Variants in MAPKAP1 observed in about 807,000 individuals in gnomAD.
The protein encoded by MAPKAP1 is MAPK associated protein 1, also known as target of rapamycin complex 2 subunit MAPKAP1.
Under a neutral mutation model 65.7 loss-of-function variants are expected in MAPKAP1, and 20 were observed. That is an observed-to-expected ratio of 0.30 (90% confidence interval 0.21 to 0.44). The LOEUF is 0.44. MAPKAP1 is among the 20% of genes least tolerant of loss of function. The probability of loss-of-function intolerance (pLI) is 1.00; values close to 1 mark genes in which losing one functional copy is unlikely to be tolerated. For synonymous variants in MAPKAP1, 222 were observed against 244.3 expected, an observed-to-expected ratio of 0.91 and a Z score of 0.85; for missense variants, 423 against 648.0, an observed-to-expected ratio of 0.65 and a Z score of 3.77.
intron 5 of MAPKAP1, among the ~76,000 whole-genome samples, chr9:125,575,370 G>C (rs1377233181): frequency 6.6e-6 from 1 of 152,082 alleles, no homozygotes; most frequent in Non-Finnish European, 1.5e-5. Flanking sequence ...TGAATAAAAT[G>C]TGATGCTTGA....
At chr9:125,601,782 C>G (rs1225071378) in intron 4 of MAPKAP1, among the ~76,000 whole-genome samples, 1 of 152,162 alleles carries the variant, frequency 6.6e-6, no homozygotes, top group Non-Finnish European at 1.5e-5. Context: ...AAAATGCACA[C>G]GTGAAATAAC....
At chr9:125,704,001 T>G (rs942838903) in intron 1 of MAPKAP1, among the ~76,000 whole-genome samples, 1 of 152,158 alleles carries the variant, frequency 6.6e-6, no homozygotes, top group East Asian at 1.9e-4. Flanking sequence ...ACATTTAAAG[T>G]AACAGATAAG....
chr9:125,563,993 G>C (rs905776257), intron 5 of MAPKAP1, among the ~76,000 whole-genome samples: 1 of 152,264 alleles, frequency 6.6e-6, no homozygotes, highest in East Asian at 1.9e-4. Flanking sequence ...TTATAGGCGT[G>C]AGCCACCATG....
chr9:125,560,821 G>C (rs1830870960), intron 5 of MAPKAP1, among the ~76,000 whole-genome samples: 1 of 152,138 alleles, frequency 6.6e-6, no homozygotes, highest in South Asian at 2.1e-4. Flanking sequence ...CCACTCCCTA[G>C]AATGTCCAGA....
intron 1 of MAPKAP1, among the ~76,000 whole-genome samples, chr9:125,690,136 G>C (rs977214727): frequency 2.0e-5 from 3 of 152,020 alleles, no homozygotes; most frequent in Admixed American, 2.0e-4. Context: ...ATCTAAATGA[G>C]ACTGGCTACT....
intron 8 of MAPKAP1, among the ~76,000 whole-genome samples, chr9:125,504,708 G>A (rs1829087620): frequency 6.6e-6 from 1 of 152,064 alleles, no homozygotes; most frequent in Non-Finnish European, 1.5e-5. Flanking sequence ...CATGAGAATT[G>A]CTTGAACCCA....
Position 125,577,441 on chromosome 9 carries a change from GA to G in MAPKAP1, c.671+8113del, listed in dbSNP as rs1169236371. On this transcript the variant is annotated intron_variant, in intron 5 of 11. Transcript: ENST00000265960. ...TCCCCGTCCGGGAGGGAGGTGGGGGGATCAGCCCCCCGCCCAGCCAGCCGCC... is the reference window on the plus strand; with the variant it reads ...TCCCCGTCCGGGAGGGAGGTGGGGGGTCAGCCCCCCGCCCAGCCAGCCGCC... 1.5e-4 allele frequency among the ~76,000 whole-genome samples: 21 copies of G among 144,642 alleles called. 1 individual carries two copies. Among genetic ancestry groups the G allele is most frequent in the Admixed American group, 1.3e-3 (20 of 14,872 alleles). The allele number at this position is 144,642 out of a possible 152,430, so 94.9% of individuals were successfully genotyped here. A position where few individuals can be genotyped will look rare whatever the true frequency, so the allele number is the denominator to read the frequency against.
At chr9:125,683,550 G>A (rs548323795) in intron 1 of MAPKAP1, among the ~76,000 whole-genome samples, 1 of 152,242 alleles carries the variant, frequency 6.6e-6, no homozygotes, top group East Asian at 1.9e-4. Context: ...GCAAGAGAAG[G>A]AGGATCTTAG....
In MAPKAP1 at chr9:125,707,100, T is replaced by C. The variant is rs1208589869; in HGVS notation, c.-199A>G. On this transcript the variant is annotated 5_prime_UTR_variant, in exon 1 of 12. Coordinates refer to ENST00000265960, the MANE Select transcript of MAPKAP1 (RefSeq NM_001006617.3). The stretch of plus-strand genomic sequence containing the variant: ...TCTCGGGATCCACGGGGACCGGCGC[T>C]CCTCCCGGCCCGCTCAGCTGCCGCT... The C allele has an allele frequency of 2.8e-5, 11 of 398,052 alleles. No homozygotes were observed. Among genetic ancestry groups the C allele is most frequent in the Non-Finnish European group, 4.9e-5 (11 of 225,768 alleles). 24.7% of individuals were successfully genotyped at this position (398,052 alleles called of 1,614,324 possible).
intron 7 of MAPKAP1, among the ~76,000 whole-genome samples, chr9:125,514,926 G>A (rs1430730367): frequency 1.3e-5 from 2 of 152,064 alleles, no homozygotes; most frequent in South Asian, 2.1e-4. Flanking sequence ...CATCAGCTAT[G>A]CTAAAATGTC....
intron 7 of MAPKAP1, chr9:125,521,406 C>A: frequency 2.1e-6 from 2 of 959,018 alleles, no homozygotes; most frequent in Non-Finnish European, 2.5e-6. Context: ...TAACTTGAGT[C>A]ACTGTGACAA....
intron 1 of MAPKAP1, among the ~76,000 whole-genome samples, chr9:125,686,621 G>GCTTCACATTGTTTTCC (rs1213354020): frequency 2.0e-5 from 3 of 152,114 alleles, no homozygotes; most frequent in Non-Finnish European, 4.4e-5. Context: ...GGGTGTTTTC[G>GCTTCACATTGTTTTCC]CTTCACATTG....
chr9:125,666,920 G>C (rs1451987137), intron 3 of MAPKAP1, among the ~76,000 whole-genome samples: 1 of 152,152 alleles, frequency 6.6e-6, no homozygotes, highest in African/African-American at 2.4e-5. Flanking sequence ...CATCAGGAAT[G>C]ACTACCAGGC....
At chr9:125,652,210 T>A (rs774356098) in intron 4 of MAPKAP1, 19 of 1,316,456 alleles carry the variant, frequency 1.4e-5, no homozygotes, top group Non-Finnish European at 1.7e-5. Flanking sequence ...ATGCCAATGA[T>A]TGTAGAAAAC....
intron 3 of MAPKAP1, among the ~76,000 whole-genome samples, chr9:125,659,536 A>G (rs1834125821): frequency 6.6e-6 from 1 of 151,970 alleles, no homozygotes; most frequent in Non-Finnish European, 1.5e-5. Context: ...CTGTCCTCCT[A>G]CTAGCGAGGA....
At position 125,642,144 on chromosome 9, in the gene MAPKAP1, GTA is replaced by G. The variant is rs1589372279; in HGVS notation, c.498+15505_498+15506del. On this transcript the variant is annotated intron_variant, in intron 4 of 11. Coordinates refer to ENST00000265960, the MANE Select transcript of MAPKAP1 (RefSeq NM_001006617.3). ...CACTTGAGCCCAGGAAGTCAAGGCT[GTA>G]GTAAGCCAAGATCACATCCCTGCAC... is the stretch of plus-strand genomic sequence containing the variant. Among the ~76,000 whole-genome samples, 3 of 151,712 alleles carry G rather than the reference GTA, an allele frequency of 2.0e-5. No homozygotes were observed. In the East Asian group the frequency reaches 5.8e-4, roughly 29 times the overall value.
chr9:125,537,514 C>T (rs1830107742), intron 7 of MAPKAP1, among the ~76,000 whole-genome samples: 1 of 152,178 alleles, frequency 6.6e-6, no homozygotes, highest in Non-Finnish European at 1.5e-5. Context: ...CAGAGTCTTG[C>T]TCTGTCACCC....
intron 5 of MAPKAP1, among the ~76,000 whole-genome samples, chr9:125,563,727 T>TATTATC (rs2062847695): frequency 6.6e-6 from 1 of 151,760 alleles, no homozygotes; most frequent in South Asian, 2.1e-4. Flanking sequence ...TTATTATTAT[T>TATTATC]ATTTTTGAGA....
intron 3 of MAPKAP1, among the ~76,000 whole-genome samples, chr9:125,659,156 C>T (rs1266522487): frequency 6.6e-6 from 1 of 152,174 alleles, no homozygotes; most frequent in Non-Finnish European, 1.5e-5. Flanking sequence ...TCTATTACCA[C>T]TTTCATGCTT....
Sources: gnomAD v4.1 joint callset for allele counts (sites outside exome capture counted in the v4.1 genomes callset) on GRCh38, gnomAD v4.1.1 for gene constraint, MANE v1.5 for transcripts, NCBI Gene and HGNC (gene_info 2026-07-23, HGNC 2026-07-21) for gene names.